The following CCDC148 variants were observed in gnomAD, a reference collection of about 807,000 sequenced individuals.
The protein encoded by CCDC148 is coiled-coil domain-containing protein 148.
In CCDC148, 89 loss-of-function variants were observed where a neutral mutation model predicts 85.7. The ratio of observed to expected loss-of-function variants is 1.04; its 90% CI spans 0.87 to 1.24. CCDC148 has a LOEUF of 1.24. Among genes scored for constraint, CCDC148 ranks in the 50% most tolerant of loss-of-function variants. CCDC148 has a pLI of 0.00. For missense variants in CCDC148, 692 were observed against 671.7 expected (o/e 1.03, Z -0.33); for synonymous variants, 230 against 213.9 (o/e 1.08, Z -0.66).
chr2:158,419,302 T>G (rs1026066625), intron 1 of CCDC148, among the ~76,000 whole-genome samples: 6 of 152,206 alleles, frequency 3.9e-5, no homozygotes, highest in African/African-American at 1.4e-4. Context: ...AAGGTTATAT[T>G]AAGAATGAGT....
intron 9 of CCDC148, among the ~76,000 whole-genome samples, chr2:158,285,414 A>T (rs1338925903): frequency 6.6e-6 from 1 of 152,176 alleles, no homozygotes; most frequent in East Asian, 1.9e-4. Context: ...GAAATAGGAA[A>T]TAGAAAAAGA....
chr2:158,206,734 T>C (rs956226957), intron 11 of CCDC148, among the ~76,000 whole-genome samples: 15 of 152,174 alleles, frequency 9.9e-5, no homozygotes, highest in African/African-American at 3.1e-4. Flanking sequence ...ATTGGAGGAT[T>C]GTGAAAATAA....
chr2:158,450,489 T>C (rs1688362584), intron 1 of CCDC148, among the ~76,000 whole-genome samples: 1 of 152,220 alleles, frequency 6.6e-6, no homozygotes, highest in Admixed American at 6.5e-5. Flanking sequence ...CTGCTGGCTG[T>C]ATGGGATCTG....
rs554345663 is a variant in CCDC148, at chr2:158,176,117, G to A, written c.1629+404C>T. On this transcript the variant is annotated intron_variant, in intron 13 of 13. Transcript: ENST00000283233. ...TTTTCATTTCTAAAAACTTTCCTCT[G>A]CTTTGTCATCAGTATCAGTTGTTTA... Among the ~76,000 whole-genome samples, 10 of 151,796 alleles carry A rather than the reference G, an allele frequency of 6.6e-5. No individual in the cohort carries two copies. In the South Asian group the frequency reaches 2.1e-3, roughly 32 times the overall value.
rs112036373 is a variant in CCDC148, at chr2:158,456,065, T to C, written c.25+350A>G. 1.4e-3 allele frequency among the ~76,000 whole-genome samples: 206 copies of C among 152,352 alleles called. 1 individual carries two copies. The highest frequency in any genetic ancestry group is 4.7e-3 in the African/African-American group (197 of 41,582). Reference sequence around the variant, plus strand: ...CTGTAACCTCTCAAGTGAAAGAACATGCACCTGTCAAGCTCATAGTGCGGG... The same window carrying C: ...CTGTAACCTCTCAAGTGAAAGAACACGCACCTGTCAAGCTCATAGTGCGGG... On this transcript the variant is annotated intron_variant, in intron 1 of 13. Coordinates refer to ENST00000283233, the MANE Select transcript of CCDC148 (RefSeq NM_138803.4).
rs116667935 is a variant in CCDC148, at chr2:158,255,468, C to T, written c.1111-4556G>A. Among the ~76,000 whole-genome samples the T allele has an allele frequency of 2.7e-3, 403 of 151,760 alleles. 1 individual carries two copies. The highest frequency in any genetic ancestry group is 9.0e-3 in the African/African-American group (374 of 41,496). ...GAATCTGGTGGCAATTGAAATAACC[C>T]TTATCCAATGGATCCTCACAGAGAT... On this transcript the variant is annotated intron_variant, in intron 9 of 13. Coordinates refer to ENST00000283233, the MANE Select transcript of CCDC148 (RefSeq NM_138803.4).
chr2:158,340,914 T>C (rs1373963533), intron 3 of CCDC148, among the ~76,000 whole-genome samples: 1 of 152,102 alleles, frequency 6.6e-6, no homozygotes, highest in Non-Finnish European at 1.5e-5. Flanking sequence ...TGGCATTGCA[T>C]GTGGAGAGGA....
At chr2:158,281,255 G>A (rs955536307) in intron 9 of CCDC148, among the ~76,000 whole-genome samples, 2 of 152,062 alleles carry the variant, frequency 1.3e-5, no homozygotes, top group African/African-American at 4.8e-5. Flanking sequence ...AAAGCTAGCA[G>A]AAGGCAAGAA....
chr2:158,192,377 C>T (rs1206576421), intron 11 of CCDC148, among the ~76,000 whole-genome samples: 1 of 151,958 alleles, frequency 6.6e-6, no homozygotes, highest in African/African-American at 2.4e-5. Flanking sequence ...AGTCGGATGT[C>T]TGGATTATAA....
chr2:158,256,777 G>T (rs928003926), intron 9 of CCDC148, among the ~76,000 whole-genome samples: 2 of 151,716 alleles, frequency 1.3e-5, no homozygotes, highest in Non-Finnish European at 2.9e-5. Context: ...TCTTGGCTCA[G>T]ATGCCATTTG....
chr2:158,280,562 A>C (rs887638109), intron 9 of CCDC148, among the ~76,000 whole-genome samples: 1 of 152,248 alleles, frequency 6.6e-6, no homozygotes, highest in African/African-American at 2.4e-5. Context: ...GGATCAATTC[A>C]ACAAGAAGAG....
chr2:158,279,520 G>C (rs1690153389), intron 9 of CCDC148, among the ~76,000 whole-genome samples: 1 of 152,170 alleles, frequency 6.6e-6, no homozygotes, highest in African/African-American at 2.4e-5. Flanking sequence ...GGAAGAAAGG[G>C]TATCAGTGAT....
At chr2:158,419,151 C>A (rs1686649309) in intron 1 of CCDC148, among the ~76,000 whole-genome samples, 2 of 152,110 alleles carry the variant, frequency 1.3e-5, no homozygotes, top group South Asian at 2.1e-4. Flanking sequence ...ATTGAGTTCA[C>A]AGGCTTAAAT....
chr2:158,178,852 C>A (rs747412702), intron 12 of CCDC148, 27 bp downstream of exon 12: 5 of 1,496,204 alleles, frequency 3.3e-6, no homozygotes, highest in Non-Finnish European at 4.6e-6. Context: ...AAAAAACCAC[C>A]CATGAAAATT....
At chr2:158,328,886 T>C (rs2105229190) in intron 7 of CCDC148, among the ~76,000 whole-genome samples, 1 of 151,686 alleles carries the variant, frequency 6.6e-6, no homozygotes, top group East Asian at 1.9e-4. Flanking sequence ...GTAAATTTGT[T>C]GGAGTTCATT....
chr2:158,290,822 T>A (rs918036958), intron 9 of CCDC148, among the ~76,000 whole-genome samples: 3 of 152,308 alleles, frequency 2.0e-5, no homozygotes, highest in Non-Finnish European at 4.4e-5. Context: ...ATACTCAGCA[T>A]TCACTAAATA....
In CCDC148 at chr2:158,176,648, G is replaced by A. The variant is rs143639142; in HGVS notation, c.1502C>T (p.Ala501Val). ...EALRKQVAVV[A>V]QFDPVRMMSD... Reference sequence around the variant, plus strand: ...CATCATTCTAACAGGATCAAATTGAGCAACAACAGCAACCTAAAAATGAGA... The same window carrying A: ...CATCATTCTAACAGGATCAAATTGAACAACAACAGCAACCTAAAAATGAGA... Residue 501 changes from alanine to valine, a missense_variant, in exon 13 of 14, where the codon GCT becomes GTT. Coordinates refer to ENST00000283233, the MANE Select transcript of CCDC148 (RefSeq NM_138803.4). 7.6e-5 allele frequency: 122 copies of A among 1,611,718 alleles called. 1 individual carries two copies. The African/African-American group carries it at 1.5e-3, about 19-fold the overall frequency.
intron 1 of CCDC148, among the ~76,000 whole-genome samples, chr2:158,392,898 T>C (rs769887948): frequency 1.1e-4 from 17 of 152,106 alleles, no homozygotes; most frequent in Non-Finnish European, 2.2e-4. Flanking sequence ...CCACATGCCA[T>C]GCTATTGCTG....
intron 12 of CCDC148, among the ~76,000 whole-genome samples, chr2:158,178,360 C>T (rs1684697246): frequency 1.3e-5 from 2 of 152,202 alleles, no homozygotes; most frequent in Admixed American, 1.3e-4. Context: ...CCCTTGCCAT[C>T]TACCATCCAT....
Sources: gnomAD v4.1 joint callset for allele counts (sites outside exome capture counted in the v4.1 genomes callset) on GRCh38, gnomAD v4.1.1 for gene constraint, MANE v1.5 for transcripts, NCBI Gene and HGNC (gene_info 2026-07-23, HGNC 2026-07-21) for gene names.